SNAP91: variants seen among roughly 807,000 people sequenced by gnomAD.
SNAP91 encodes the protein synaptosome associated protein 91.
SNAP91 carries 27 observed loss-of-function variants against 100.3 expected under a neutral mutation model. The observed-to-expected ratio is 0.27, with a 90% CI of 0.20 to 0.37. The LOEUF is 0.37. Ranked by LOEUF, SNAP91 falls within the 10% of genes least tolerant of loss-of-function variation. The pLI is 1.00. For missense variants in SNAP91, 986 were observed against 1,123.7 expected, an observed-to-expected ratio of 0.88 and a Z score of 1.75; for synonymous variants, 404 against 398.6, an observed-to-expected ratio of 1.01 and a Z score of -0.16.
At chr6:83,661,635 A>C in intron 4 of SNAP91, 31 bp from the exon 5 acceptor site, 1 of 1,249,084 alleles carries the variant, frequency 8.0e-7, no homozygotes, top group Non-Finnish European at 1.1e-6. Flanking sequence ...AATAAAACTA[A>C]TTAATAAAAT....
intron 7 of SNAP91, among the ~76,000 whole-genome samples, chr6:83,643,475 G>T (rs1019057929): frequency 1.3e-5 from 2 of 152,064 alleles, no homozygotes; most frequent in African/African-American, 4.8e-5. Flanking sequence ...GTTTTTGTCA[G>T]GTTTGTCAAA....
chr6:83,589,640 T>C lies in SNAP91; in HGVS notation c.2014+1571A>G, dbSNP rs568086844. On this transcript the variant is annotated intron_variant, in intron 22 of 29. Coordinates refer to ENST00000369694, the MANE Select transcript of SNAP91 (RefSeq NM_001242792.2). ...CATGCAAGACTGTTATGTTTGATCA[T>C]AGTAGTCAGGAAAGGATGGGAAAGA... 2.4e-4 allele frequency among the ~76,000 whole-genome samples: 37 copies of C among 152,236 alleles called. 1 individual carries two copies. In the South Asian group the frequency reaches 4.8e-3, roughly 20 times the overall value.
In SNAP91 at chr6:83,574,999, T is replaced by G. The variant is rs1213632136; in HGVS notation, c.2442+11A>C. 4 of 1,562,962 alleles carry G rather than the reference T, an allele frequency of 2.6e-6. No homozygotes were observed. In the East Asian group the frequency reaches 6.9e-5, roughly 27 times the overall value. On this transcript the variant is annotated intron_variant, in intron 26 of 29. Coordinates refer to ENST00000369694, the MANE Select transcript of SNAP91 (RefSeq NM_001242792.2). Reference sequence around the variant, plus strand: ...CTGCCTGCGCTGCCCTGGGCTCTGATTGCTACATACCAAAGGTGCACTTGG... The same window carrying G: ...CTGCCTGCGCTGCCCTGGGCTCTGAGTGCTACATACCAAAGGTGCACTTGG...
At chr6:83,657,407 T>C (rs2098435096) in intron 6 of SNAP91, among the ~76,000 whole-genome samples, 1 of 152,194 alleles carries the variant, frequency 6.6e-6, no homozygotes, top group African/African-American at 2.4e-5. Context: ...TTTTTCCCTT[T>C]ATGACTTTCT....
rs1174397110 is a variant in SNAP91, at chr6:83,605,698, G to A, written c.1128C>T (p.Ala376=). Residue 376 remains alanine (A), a synonymous_variant, in exon 14 of 30, where the codon GCC becomes GCT. Coordinates refer to ENST00000369694, the MANE Select transcript of SNAP91 (RefSeq NM_001242792.2). ...APAPPPPAGG[A]TAWGDLLGED... ...GGTTTTACTCACCTCCCCATGCAGT[G>A]GCTCCTCCAGCAGGTGGTGGTGGTG... The A allele has an allele frequency of 1.9e-6, 3 of 1,552,038 alleles. No individual in the cohort carries two copies. Among genetic ancestry groups the A allele is most frequent in the East Asian group, 4.9e-5 (2 of 40,924 alleles).
At chr6:83,606,882 T>A (rs1253263190) in intron 13 of SNAP91, among the ~76,000 whole-genome samples, 1 of 152,150 alleles carries the variant, frequency 6.6e-6, no homozygotes, top group Non-Finnish European at 1.5e-5. Context: ...TAAGAAGCAA[T>A]TTAATTAGAA....
chr6:83,622,566 C>G lies in SNAP91; in HGVS notation c.807+735G>C, dbSNP rs1187205346. 2.0e-5 allele frequency among the ~76,000 whole-genome samples: 3 copies of G among 151,984 alleles called. No homozygotes were observed. In the East Asian group the frequency reaches 5.8e-4, roughly 29 times the overall value. On this transcript the variant is annotated intron_variant, in intron 9 of 29. Transcript: ENST00000369694. ...TATCATCTCTACAATAACATCATTGCTAGTTAAATAACATGTTTGGGATAT... is the reference window on the plus strand; with the variant it reads ...TATCATCTCTACAATAACATCATTGGTAGTTAAATAACATGTTTGGGATAT...
At chr6:83,592,846 A>G in intron 20 of SNAP91, 100 bp downstream of exon 20, 1 of 896,096 alleles carries the variant, frequency 1.1e-6, no homozygotes, top group Non-Finnish European at 1.7e-6. Flanking sequence ...TACATTTTAA[A>G]TTTAAAAGAA....
chr6:83,562,612 G>T (rs1333281388), intron 26 of SNAP91, among the ~76,000 whole-genome samples: 1 of 151,958 alleles, frequency 6.6e-6, no homozygotes, highest in Non-Finnish European at 1.5e-5. Context: ...CTTCCCTATG[G>T]GATAGCTAGA....
chr6:83,576,420 C>G (rs1423989998), intron 24 of SNAP91, among the ~76,000 whole-genome samples: 1 of 152,178 alleles, frequency 6.6e-6, no homozygotes, highest in Non-Finnish European at 1.5e-5. Flanking sequence ...TGTGCCTACA[C>G]TACTATTTGT....
At chr6:83,599,649 CTA>C (rs1392526954) in intron 16 of SNAP91, among the ~76,000 whole-genome samples, 6 of 152,124 alleles carry the variant, frequency 3.9e-5, no homozygotes, top group Non-Finnish European at 8.8e-5. Flanking sequence ...TTGACAAACT[CTA>C]TTTACCACCT....
At chr6:83,614,890 A>G in intron 10 of SNAP91, 28 bp from the exon 11 acceptor site, 1 of 1,576,800 alleles carries the variant, frequency 6.3e-7, no homozygotes, top group Non-Finnish European at 8.6e-7. Flanking sequence ...GCACAAACAT[A>G]CAAAGAAGAG....
At chr6:83,626,549 A>G (rs997731551) in intron 8 of SNAP91, among the ~76,000 whole-genome samples, 6 of 152,074 alleles carry the variant, frequency 3.9e-5, no homozygotes, top group Non-Finnish European at 7.4e-5. Flanking sequence ...GGTGTTTTGT[A>G]GTCCTCCTTG....
At chr6:83,597,335 A>G (rs569122563) in intron 16 of SNAP91, among the ~76,000 whole-genome samples, 71 of 152,358 alleles carry the variant, frequency 4.7e-4, no homozygotes, top group Middle Eastern at 3.4e-3. Context: ...TGTGAGAGAT[A>G]AAATTTGAAT....
intron 26 of SNAP91, among the ~76,000 whole-genome samples, chr6:83,562,088 T>C (rs762522623): frequency 6.6e-6 from 1 of 152,194 alleles, no homozygotes; most frequent in Non-Finnish European, 1.5e-5. Flanking sequence ...CTAGATATCT[T>C]CATTGGTGAA....
intron 7 of SNAP91, among the ~76,000 whole-genome samples, chr6:83,652,004 T>C (rs1034253442): frequency 6.6e-6 from 1 of 152,178 alleles, no homozygotes; most frequent in South Asian, 2.1e-4. Flanking sequence ...TGTCTGGAAA[T>C]TAATATAACT....
chr6:83,707,820 G>A lies in SNAP91; in HGVS notation c.108C>T (p.Gly36=). 2.5e-6 allele frequency: 4 copies of A among 1,613,094 alleles called. No individual in the cohort carries two copies. Among genetic ancestry groups the A allele is most frequent in the Non-Finnish European group, 3.4e-6 (4 of 1,179,572 alleles). Residue 36 remains glycine (G), a synonymous_variant, in exon 2 of 30, where the codon GGC becomes GGT. Transcript: ENST00000369694. ...VCKATTHEVM[G]PKKKHLDYLI... is the part of the protein sequence containing the mutation. ...TACAGTCCAGGTGCTTTTTCTTGGG[G>A]CCCATTACTTCATGAGTAGTGGCTT...
At chr6:83,671,844 G>T (rs1442963426) in intron 2 of SNAP91, among the ~76,000 whole-genome samples, 2 of 151,828 alleles carry the variant, frequency 1.3e-5, no homozygotes, top group Non-Finnish European at 2.9e-5. Context: ...TAAATCCTAG[G>T]AAAAGATAGC....
intron 2 of SNAP91, among the ~76,000 whole-genome samples, chr6:83,689,309 G>A (rs1205848681): frequency 1.3e-5 from 2 of 152,098 alleles, no homozygotes; most frequent in African/African-American, 2.4e-5. Context: ...AGACTACATA[G>A]CACAGTTTTC....
Sources: gnomAD v4.1 joint callset for allele counts (sites outside exome capture counted in the v4.1 genomes callset) on GRCh38, gnomAD v4.1.1 for gene constraint, MANE v1.5 for transcripts, NCBI Gene and HGNC (gene_info 2026-07-23, HGNC 2026-07-21) for gene names.